PPP2R2B: variants seen among roughly 807,000 people sequenced by gnomAD.
PPP2R2B encodes the protein protein phosphatase 2 regulatory subunit Bbeta.
Under a neutral mutation model 46.0 loss-of-function variants are expected in PPP2R2B, and 5 were observed. That is an observed-to-expected ratio of 0.11 (90% CI 0.06 to 0.23). PPP2R2B has a LOEUF of 0.23. Among genes scored for constraint, PPP2R2B ranks in the 10% least tolerant of loss-of-function variants. The pLI is 1.00. For synonymous variants in PPP2R2B, 215 were observed against 206.7 expected (o/e 1.04, Z -0.34); for missense variants, 367 against 575.0 (o/e 0.64, Z 3.70).
chr5:146,926,927 A>T, intron 1 of PPP2R2B, among the ~76,000 whole-genome samples: 1 of 152,124 alleles, frequency 6.6e-6, no homozygotes, highest in Non-Finnish European at 1.5e-5. Context: ...ACTCACTCCC[A>T]TCCAAGATGA....
intron 1 of PPP2R2B, among the ~76,000 whole-genome samples, chr5:146,979,323 C>A (rs901705367): frequency 6.6e-6 from 1 of 152,020 alleles, no homozygotes; most frequent in Non-Finnish European, 1.5e-5. Context: ...TTTCTGTTTT[C>A]TTTTTCTCCA....
At chr5:146,796,695 G>C (rs62375682) in intron 2 of PPP2R2B, among the ~76,000 whole-genome samples, 6,842 of 152,204 alleles carry the variant, frequency 0.045, 233 homozygotes, top group Non-Finnish European at 0.068. Context: ...ACCTAGGGTA[G>C]AAAAGGAAAC....
At chr5:146,690,424 T>TC (rs1190384472) in intron 5 of PPP2R2B, among the ~76,000 whole-genome samples, 1 of 152,238 alleles carries the variant, frequency 6.6e-6, no homozygotes, top group Non-Finnish European at 1.5e-5. Flanking sequence ...TCCAACACTT[T>TC]CTCAATGCAT....
intron 2 of PPP2R2B, among the ~76,000 whole-genome samples, chr5:146,782,263 A>G (rs1755577480): frequency 6.6e-6 from 1 of 152,226 alleles, no homozygotes; most frequent in Non-Finnish European, 1.5e-5. Flanking sequence ...GGAACGATCT[A>G]TTACATTATC....
chr5:146,667,720 G>C (rs1035641113), intron 5 of PPP2R2B, among the ~76,000 whole-genome samples: 1 of 152,112 alleles, frequency 6.6e-6, no homozygotes, highest in Admixed American at 6.6e-5. Context: ...TTCTCTCTTT[G>C]TCTGTCTTGC....
At chr5:146,690,509 C>G (rs1395296808) in intron 5 of PPP2R2B, among the ~76,000 whole-genome samples, 3 of 152,134 alleles carry the variant, frequency 2.0e-5, no homozygotes, top group East Asian at 1.9e-4. Flanking sequence ...CTATGTATTT[C>G]TGAGGAACAG....
chr5:146,650,295 T>C (rs1775869610), intron 6 of PPP2R2B, among the ~76,000 whole-genome samples: 1 of 152,224 alleles, frequency 6.6e-6, no homozygotes, highest in Non-Finnish European at 1.5e-5. Context: ...GACATATAAA[T>C]GCCTCTGTAT....
intron 6 of PPP2R2B, among the ~76,000 whole-genome samples, chr5:146,644,404 T>C (rs1053356824): frequency 1.3e-5 from 2 of 152,146 alleles, no homozygotes; most frequent in African/African-American, 4.8e-5. Flanking sequence ...ATCCAATGTA[T>C]AGACAGCAAA....
At chr5:146,991,669 A>T (rs1753704622) in intron 1 of PPP2R2B, among the ~76,000 whole-genome samples, 2 of 144,898 alleles carry the variant, frequency 1.4e-5, no homozygotes, top group Admixed American at 1.4e-4. Flanking sequence ...TACACAAGCA[A>T]TGAAACATCA....
intron 7 of PPP2R2B, among the ~76,000 whole-genome samples, chr5:146,616,379 A>T (rs1430021795): frequency 6.6e-6 from 1 of 152,334 alleles, no homozygotes; most frequent in South Asian, 2.1e-4. Context: ...GCAAAAATGA[A>T]CAAATGGGAT....
chr5:146,904,811 A>G (rs1055325599), intron 1 of PPP2R2B, among the ~76,000 whole-genome samples: 4 of 152,206 alleles, frequency 2.6e-5, no homozygotes, highest in African/African-American at 4.8e-5. Context: ...TGGTAACACC[A>G]CATTTAACAG....
At chr5:146,934,098 T>A (rs1764061008) in intron 1 of PPP2R2B, among the ~76,000 whole-genome samples, 1 of 152,136 alleles carries the variant, frequency 6.6e-6, no homozygotes, top group Non-Finnish European at 1.5e-5. Context: ...ACATTTGGGT[T>A]GGTTCCAAGT....
intron 2 of PPP2R2B, among the ~76,000 whole-genome samples, chr5:146,803,851 G>C (rs1022426136): frequency 6.6e-6 from 1 of 152,180 alleles, no homozygotes; most frequent in Non-Finnish European, 1.5e-5. Flanking sequence ...TGTAGTTGTT[G>C]TGAGGAAATC....
intron 2 of PPP2R2B, among the ~76,000 whole-genome samples, chr5:146,760,749 C>T (rs1382324158): frequency 6.6e-6 from 1 of 152,046 alleles, no homozygotes; most frequent in Admixed American, 6.6e-5. Context: ...TTTCAAACTT[C>T]ACTCTCACCC....
chr5:146,898,681 A>C (rs1321915789), intron 1 of PPP2R2B, among the ~76,000 whole-genome samples: 1 of 128,224 alleles, frequency 7.8e-6, no homozygotes, highest in Non-Finnish European at 1.6e-5. Context: ...ATCAGAGTGA[A>C]CAGGCAACCT....
At chr5:146,968,768 C>T (rs1265765365) in intron 1 of PPP2R2B, among the ~76,000 whole-genome samples, 3 of 152,294 alleles carry the variant, frequency 2.0e-5, no homozygotes, top group South Asian at 2.1e-4. Flanking sequence ...ATAAGACCAT[C>T]GTGGCCAATT....
rs7730918 is a variant in PPP2R2B at position 146,965,882 on chromosome 5, G to A, written c.79+89783C>T. On this transcript the variant is annotated intron_variant, in intron 1 of 8. Coordinates refer to the PPP2R2B transcript ENST00000336640. ...TACCAGCTGTGCATCCAGGCAAAGTGTTACTCGCTGATCCTCAGATCCTTC... is the reference window on the plus strand; with the variant it reads ...TACCAGCTGTGCATCCAGGCAAAGTATTACTCGCTGATCCTCAGATCCTTC... Among the ~76,000 whole-genome samples, 861 of 152,300 alleles carry A rather than the reference G, an allele frequency of 5.7e-3. 8 individuals carry two copies. The highest frequency in any genetic ancestry group is 0.017 in the African/African-American group (720 of 41,572).
chr5:146,797,305 T>G (rs190710063), intron 2 of PPP2R2B, among the ~76,000 whole-genome samples: 35 of 152,324 alleles, frequency 2.3e-4, no homozygotes, highest in Middle Eastern at 3.4e-3. Flanking sequence ...TATTGCTAAT[T>G]TTTTCATTTC....
At chr5:146,669,787 A>G (rs1195949785) in intron 5 of PPP2R2B, among the ~76,000 whole-genome samples, 1 of 152,222 alleles carries the variant, frequency 6.6e-6, no homozygotes, top group East Asian at 1.9e-4. Context: ...GTTAAATGAC[A>G]TAATAAGTCA....
Sources: gnomAD v4.1 joint callset for allele counts (sites outside exome capture counted in the v4.1 genomes callset) on GRCh38, gnomAD v4.1.1 for gene constraint, MANE v1.5 for transcripts, NCBI Gene and HGNC (gene_info 2026-07-23, HGNC 2026-07-21) for gene names.